BMP7: variants seen among roughly 807,000 people sequenced by gnomAD.
BMP7 encodes bone morphogenetic protein 7.
In BMP7, 12 loss-of-function variants were observed where a neutral mutation model predicts 41.2. The ratio of observed to expected loss-of-function variants is 0.29; its 90% CI spans 0.19 to 0.47. The LOEUF is 0.47. Among genes scored for constraint, BMP7 ranks in the 20% least tolerant of loss-of-function variants. The pLI is 0.99. For missense variants in BMP7, 467 were observed against 606.0 expected (o/e 0.77, Z 2.41); for synonymous variants, 248 against 250.0 (o/e 0.99, Z 0.07).
At chr20:57,212,520 TGGAAAACTGCAGGCC>T (rs971633063) in intron 2 of BMP7, among the ~76,000 whole-genome samples, 52 of 152,266 alleles carry the variant, frequency 3.4e-4, no homozygotes, top group African/African-American at 1.2e-3. Flanking sequence ...TGCTGCTCTT[TGGAAAACTGCAGGCC>T]GGACATTCTG....
chr20:57,236,611 G>A (rs1168222600), intron 1 of BMP7, among the ~76,000 whole-genome samples: 1 of 152,144 alleles, frequency 6.6e-6, no homozygotes, highest in African/African-American at 2.4e-5. Flanking sequence ...AGGAAGGGAA[G>A]GACCAGAGGA....
Position 57,259,135 on chromosome 20 carries a change from C to T in BMP7, c.418+6570G>A, listed in dbSNP as rs1420044547. ...TGTCTAAAGAGAATCACTGTGGATG[C>T]CGTTCCAATCTCCCTTGCCAAGTCA... On this transcript the variant is annotated intron_variant, in intron 1 of 6. Coordinates refer to ENST00000395863, the MANE Select transcript of BMP7 (RefSeq NM_001719.3). The surrounding 1 kb of genome is among the most constrained non-coding windows in gnomAD (Gnocchi z 4.7). 6.6e-6 allele frequency among the ~76,000 whole-genome samples: 1 copy of T among 152,206 alleles called. No individual in the cohort carries two copies. The highest frequency in any genetic ancestry group is 1.5e-5 in the Non-Finnish European group (1 of 68,040).
chr20:57,248,908 C>T (rs2066100704), intron 1 of BMP7, among the ~76,000 whole-genome samples: 3 of 152,092 alleles, frequency 2.0e-5, no homozygotes, highest in Admixed American at 1.3e-4. Context: ...ACGCCATTCT[C>T]CTGCCTCAGC....
intron 3 of BMP7, among the ~76,000 whole-genome samples, chr20:57,185,794 T>C (rs1250878551): frequency 6.6e-6 from 1 of 151,968 alleles, no homozygotes; most frequent in African/African-American, 2.4e-5. Context: ...CAATAAATGC[T>C]AGCTCAGGGC....
At chr20:57,237,802 T>C (rs1032701350) in intron 1 of BMP7, among the ~76,000 whole-genome samples, 1 of 152,200 alleles carries the variant, frequency 6.6e-6, no homozygotes, top group African/African-American at 2.4e-5. Context: ...ACAAGGACTT[T>C]CTGGCTGCCC....
chr20:57,202,841 A>C (rs1215809153), intron 2 of BMP7, among the ~76,000 whole-genome samples: 2 of 152,186 alleles, frequency 1.3e-5, no homozygotes, highest in South Asian at 2.1e-4. Context: ...AGATACACGC[A>C]GGGAAAAGGC....
intron 3 of BMP7, among the ~76,000 whole-genome samples, chr20:57,184,758 C>T (rs968082898): frequency 6.6e-6 from 1 of 152,130 alleles, no homozygotes; most frequent in Non-Finnish European, 1.5e-5. Context: ...CATAAAGACA[C>T]AGATGCAGAC....
chr20:57,205,565 A>G (rs1568714154), intron 2 of BMP7, among the ~76,000 whole-genome samples: 3 of 152,202 alleles, frequency 2.0e-5, no homozygotes, highest in African/African-American at 7.2e-5. Flanking sequence ...TCAGGCTCCC[A>G]AGGCCCCTGT....
chr20:57,216,127 C>G (rs535317260), intron 2 of BMP7, among the ~76,000 whole-genome samples: 1 of 152,178 alleles, frequency 6.6e-6, no homozygotes, highest in Non-Finnish European at 1.5e-5. Flanking sequence ...CGGTAGCATC[C>G]TGAAGCCGGG....
chr20:57,199,553 T>G (rs1231202267), intron 3 of BMP7, among the ~76,000 whole-genome samples: 1 of 152,092 alleles, frequency 6.6e-6, no homozygotes, highest in African/African-American at 2.4e-5. Flanking sequence ...TCCCCCACGG[T>G]GGGTCTGAAA....
chr20:57,241,890 A>G (rs2066071162), intron 1 of BMP7, among the ~76,000 whole-genome samples: 1 of 152,240 alleles, frequency 6.6e-6, no homozygotes, highest in Non-Finnish European at 1.5e-5. Context: ...GGAGAGGGAA[A>G]AAAGATGGGT....
At chr20:57,236,292 G>A (rs1434911252) in intron 1 of BMP7, among the ~76,000 whole-genome samples, 1 of 152,194 alleles carries the variant, frequency 6.6e-6, no homozygotes, top group African/African-American at 2.4e-5. Context: ...CCAGGAGGGC[G>A]ATAACACCAT....
intron 4 of BMP7, among the ~76,000 whole-genome samples, chr20:57,178,563 C>G (rs1468198124): frequency 6.6e-6 from 1 of 152,046 alleles, no homozygotes; most frequent in Non-Finnish European, 1.5e-5. Flanking sequence ...CTGGGAGGAG[C>G]CCAAACAGCT....
rs573789702 is a variant in BMP7, at chr20:57,251,433, C to T, written c.418+14272G>A. On this transcript the variant is annotated intron_variant, in intron 1 of 6. Transcript: ENST00000395863. Reference sequence around the variant, plus strand: ...GAACAGGGTGCTGGGACCAAGCAAACGCAGGAAAAGCCTCCCTGTGTTCGA... The same window carrying T: ...GAACAGGGTGCTGGGACCAAGCAAATGCAGGAAAAGCCTCCCTGTGTTCGA... Among the ~76,000 whole-genome samples the T allele has an allele frequency of 1.6e-4, 24 of 152,306 alleles. 2 individuals carry two copies. The highest frequency in any genetic ancestry group is 4.1e-4 in the South Asian group (2 of 4,822).
At chr20:57,260,792 T>G (rs1204745376) in intron 1 of BMP7, among the ~76,000 whole-genome samples, 1 of 152,148 alleles carries the variant, frequency 6.6e-6, no homozygotes, top group Non-Finnish European at 1.5e-5. Flanking sequence ...AGTGCCAGAG[T>G]GCATTAAGGC....
chr20:57,237,369 G>A (rs1279640183), intron 1 of BMP7, among the ~76,000 whole-genome samples: 2 of 152,236 alleles, frequency 1.3e-5, no homozygotes, highest in Non-Finnish European at 1.5e-5. Flanking sequence ...ACCCTGGCTC[G>A]CTCTTTCCCT....
chr20:57,251,434 G>A (rs1025940147), intron 1 of BMP7, among the ~76,000 whole-genome samples: 7 of 152,156 alleles, frequency 4.6e-5, no homozygotes, highest in African/African-American at 2.4e-5. Flanking sequence ...CCAAGCAAAC[G>A]CAGGAAAAGC....
In BMP7 at chr20:57,204,523, A is replaced by G. The variant is rs59826479; in HGVS notation, c.612-1900T>C. 4.9e-3 allele frequency among the ~76,000 whole-genome samples: 750 copies of G among 152,370 alleles called. 12 individuals carry two copies. Among genetic ancestry groups the G allele is most frequent in the African/African-American group, 0.017 (708 of 41,584 alleles). On this transcript the variant is annotated intron_variant, in intron 2 of 6. Coordinates refer to ENST00000395863, the MANE Select transcript of BMP7 (RefSeq NM_001719.3). ...CAGGGAAGAAGAACCAGGGTCAGAA[A>G]CAGACAGGAACCGAGGCAGGTGCGA...
At position 57,259,958 on chromosome 20, in the gene BMP7, A is replaced by ATTG; in HGVS notation, c.418+5746_418+5747insCAA. 6.6e-6 allele frequency among the ~76,000 whole-genome samples: 1 copy of ATTG among 152,300 alleles called. No homozygotes were observed. Among genetic ancestry groups the ATTG allele is most frequent in the South Asian group, 2.1e-4 (1 of 4,822 alleles). On this transcript the variant is annotated intron_variant, in intron 1 of 6. Transcript: ENST00000395863. This position sits in a 1 kb window ranked among gnomAD's most constrained non-coding sequence, Gnocchi z 4.7. ...TTATTTGTCAGATGCCATTTGCTGC[A>ATTG]AAACCCGGAATTCAATCCCAGCTTG...
Sources: allele counts gnomAD v4.1 joint callset (sites outside exome capture counted in the v4.1 genomes callset), GRCh38; gene constraint gnomAD v4.1.1; non-coding constraint Gnocchi (gnomAD v3.1); transcripts MANE v1.5; gene names NCBI Gene and HGNC (gene_info 2026-07-23, HGNC 2026-07-21).